Variants in LRFN2 observed in about 807,000 individuals in gnomAD.
The protein encoded by LRFN2 is leucine rich repeat and fibronectin type III domain containing 2.
A neutral mutation model predicts 37.3 loss-of-function variants in LRFN2; 18 were observed. That is an observed-to-expected ratio of 0.48 (90% CI 0.33 to 0.72). LRFN2 has a LOEUF of 0.72. Ranked by LOEUF, LRFN2 falls within the 30% of genes least tolerant of loss-of-function variation. LRFN2 has a pLI of 0.02. For missense variants in LRFN2, 1,006 were observed against 1,060.7 expected (o/e 0.95, Z 0.72); for synonymous variants, 556 against 466.6 (o/e 1.19, Z -2.47).
At chr6:40,546,980 G>C (rs1226633022) in intron 1 of LRFN2, among the ~76,000 whole-genome samples, 1 of 152,054 alleles carries the variant, frequency 6.6e-6, no homozygotes, top group African/African-American at 2.4e-5. Context: ...GTATTACTGA[G>C]AGAATTTGAA....
chr6:40,525,689 C>T (rs1490126562), intron 1 of LRFN2, among the ~76,000 whole-genome samples: 1 of 152,124 alleles, frequency 6.6e-6, no homozygotes, highest in African/African-American at 2.4e-5. Context: ...TTCCTCTTGC[C>T]ATACTTTCTT....
Position 40,503,389 on chromosome 6 carries a change from G to A in LRFN2, c.-18-70258C>T, listed in dbSNP as rs114998358. Among the ~76,000 whole-genome samples the A allele has an allele frequency of 6.5e-3, 994 of 152,278 alleles. 4 individuals are homozygous for A. The highest frequency in any genetic ancestry group is 0.01 in the Non-Finnish European group (681 of 68,016). ...GGAGAGACTGTAGTGGGGGAGCAGAGGGAAGTGCCCACAGTGACACTTAGC... is the reference window on the plus strand; with the variant it reads ...GGAGAGACTGTAGTGGGGGAGCAGAAGGAAGTGCCCACAGTGACACTTAGC... On this transcript the variant is annotated intron_variant, in intron 1 of 2. Coordinates refer to ENST00000338305, the MANE Select transcript of LRFN2 (RefSeq NM_020737.3).
intron 1 of LRFN2, among the ~76,000 whole-genome samples, chr6:40,439,288 G>A (rs1353348674): frequency 6.6e-6 from 1 of 152,188 alleles, no homozygotes; most frequent in Non-Finnish European, 1.5e-5. Flanking sequence ...GCCCCTCCAG[G>A]GTGCTCCAGG....
intron 1 of LRFN2, among the ~76,000 whole-genome samples, chr6:40,459,813 C>T (rs1764308001): frequency 6.6e-6 from 1 of 152,190 alleles, no homozygotes; most frequent in African/African-American, 2.4e-5. Context: ...AACATTTAAT[C>T]TTTGTCTCTG....
chr6:40,407,709 C>T (rs908316453), intron 2 of LRFN2: 7 of 152,296 alleles, frequency 4.6e-5, no homozygotes, highest in South Asian at 2.1e-4. Flanking sequence ...GCCCAAGTCA[C>T]GCTAGAACAG....
At chr6:40,495,847 G>T (rs1765212811) in intron 1 of LRFN2, among the ~76,000 whole-genome samples, 1 of 152,044 alleles carries the variant, frequency 6.6e-6, no homozygotes, top group Non-Finnish European at 1.5e-5. Flanking sequence ...ACACCTTCTA[G>T]TGGATGAAGA....
intron 1 of LRFN2, among the ~76,000 whole-genome samples, chr6:40,551,369 A>G (rs1162197815): frequency 2.6e-5 from 4 of 152,190 alleles, no homozygotes; most frequent in Non-Finnish European, 5.9e-5. Context: ...GAGGAGGACA[A>G]AGCCAGTACA....
At chr6:40,434,953 G>A (rs192900921) in intron 1 of LRFN2, among the ~76,000 whole-genome samples, 126 of 142,320 alleles carry the variant, frequency 8.9e-4, no homozygotes, top group Non-Finnish European at 1.5e-3. Context: ...TAATGTTTAA[G>A]TTTGCATTAC....
chr6:40,528,681 C>G (rs1348398246), intron 1 of LRFN2, among the ~76,000 whole-genome samples: 1 of 152,200 alleles, frequency 6.6e-6, no homozygotes, highest in Non-Finnish European at 1.5e-5. Flanking sequence ...TTCTGGACAT[C>G]ACTAGATCAT....
intron 2 of LRFN2, among the ~76,000 whole-genome samples, chr6:40,397,569 ATTG>A (rs1036026904): frequency 6.6e-6 from 1 of 152,158 alleles, no homozygotes; most frequent in African/African-American, 2.4e-5. Flanking sequence ...CTGCTGTCAC[ATTG>A]TTGTCCTTCT....
chr6:40,547,235 G>C (rs1426988067), intron 1 of LRFN2, among the ~76,000 whole-genome samples: 1 of 151,892 alleles, frequency 6.6e-6, no homozygotes. Context: ...CTCCCGAGTA[G>C]CTGGGACTAC....
chr6:40,538,696 C>T lies in LRFN2; in HGVS notation c.-19+48245G>A, dbSNP rs559171537. 1.1e-3 allele frequency among the ~76,000 whole-genome samples: 173 copies of T among 152,368 alleles called. 2 individuals are homozygous for T. In the South Asian group the frequency reaches 0.035, roughly 31 times the overall value. Reference sequence around the variant, plus strand: ...CAGCTTCTCCTCCTAGACTCTCACACGTGTGTCTGACGCAGGGCGTCCTCT... The same window carrying T: ...CAGCTTCTCCTCCTAGACTCTCACATGTGTGTCTGACGCAGGGCGTCCTCT... On this transcript the variant is annotated intron_variant, in intron 1 of 2. Coordinates refer to ENST00000338305, the MANE Select transcript of LRFN2 (RefSeq NM_020737.3).
intron 1 of LRFN2, among the ~76,000 whole-genome samples, chr6:40,511,039 G>A (rs191400269): frequency 6.6e-5 from 10 of 152,220 alleles, no homozygotes; most frequent in African/African-American, 1.7e-4. Context: ...AGGGAGAGAG[G>A]TGAGACCATG....
intron 1 of LRFN2, among the ~76,000 whole-genome samples, chr6:40,437,180 G>A (rs1442304727): frequency 6.6e-6 from 1 of 152,148 alleles, no homozygotes. Context: ...CAGGGCCAAG[G>A]CTATTCATGG....
At chr6:40,411,091 C>T (rs1762955624) in intron 2 of LRFN2, among the ~76,000 whole-genome samples, 3 of 152,300 alleles carry the variant, frequency 2.0e-5, no homozygotes, top group Middle Eastern at 3.4e-3. Flanking sequence ...GTGAGTAAAT[C>T]ACAGACTTAT....
chr6:40,514,334 A>G (rs1351859509), intron 1 of LRFN2, among the ~76,000 whole-genome samples: 1 of 152,032 alleles, frequency 6.6e-6, no homozygotes, highest in East Asian at 1.9e-4. Context: ...GTTTTTTTCT[A>G]GACGGAATCT....
intron 1 of LRFN2, among the ~76,000 whole-genome samples, chr6:40,440,829 T>G (rs1258868714): frequency 6.6e-6 from 1 of 152,176 alleles, no homozygotes; most frequent in Non-Finnish European, 1.5e-5. Context: ...GCCTCCTTCC[T>G]TTGCCCATCT....
intron 2 of LRFN2, among the ~76,000 whole-genome samples, chr6:40,395,381 G>C (rs887062062): frequency 6.6e-6 from 1 of 152,132 alleles, no homozygotes; most frequent in African/African-American, 2.4e-5. Flanking sequence ...TGAAAAGTTC[G>C]CCCTGGCCTG....
rs1356160129 is a variant in LRFN2, at chr6:40,514,922, G to A, written c.-19+72019C>T. On this transcript the variant is annotated intron_variant, in intron 1 of 2. Transcript: ENST00000338305. ...ACCCCCTCTTATGCTGCCCCTGGCT[G>A]GAGGCCCCATTTTTAGAACTTCTCA... Among the ~76,000 whole-genome samples the A allele has an allele frequency of 3.3e-5, 5 of 152,234 alleles. No individual in the cohort carries two copies. The East Asian group carries it at 5.8e-4, about 18-fold the overall frequency.
Sources: allele counts gnomAD v4.1 joint callset (sites outside exome capture counted in the v4.1 genomes callset), GRCh38; gene constraint gnomAD v4.1.1; transcripts MANE v1.5; gene names NCBI Gene and HGNC (gene_info 2026-07-23, HGNC 2026-07-21).